ARHGAP10: variants seen among roughly 807,000 people sequenced by gnomAD.
ARHGAP10 encodes the protein Rho GTPase activating protein 10.
In ARHGAP10, 87 loss-of-function variants were observed where a neutral mutation model predicts 108.6. The ratio of observed to expected loss-of-function variants is 0.80; its 90% CI spans 0.67 to 0.96. ARHGAP10 has a LOEUF of 0.96. ARHGAP10 is among the 40% of genes least tolerant of loss of function. The pLI is 0.00. For missense variants in ARHGAP10, 939 were observed against 954.5 expected (o/e 0.98, Z 0.21); for synonymous variants, 347 against 341.1 (o/e 1.02, Z -0.19).
At chr4:147,835,008 A>T (rs560246641) in intron 3 of ARHGAP10, among the ~76,000 whole-genome samples, 1 of 152,282 alleles carries the variant, frequency 6.6e-6, no homozygotes, top group Non-Finnish European at 1.5e-5. Flanking sequence ...ATTGTCATTC[A>T]TCGGTTGCTA....
chr4:147,876,608 A>AG (rs1170575712), intron 8 of ARHGAP10, among the ~76,000 whole-genome samples: 1 of 151,644 alleles, frequency 6.6e-6, no homozygotes, highest in Admixed American at 6.6e-5. Flanking sequence ...AAGGAAAAAA[A>AG]CAAAACAAAA....
rs540107792 is a variant in ARHGAP10, at chr4:148,023,104, A to G, written c.1717-159A>G. ...TTGGAATCTTCTGTTAAAAAAATAA[A>G]AGGCTATGACCTCTTCCCTTCATTG... On this transcript the variant is annotated intron_variant, in intron 18 of 22. Transcript: ENST00000336498. 1.7e-5 allele frequency: 11 copies of G among 628,606 alleles called. No homozygotes were observed. In the Admixed American group the frequency reaches 3.3e-4, roughly 19 times the overall value. 38.9% of individuals were successfully genotyped at this position (628,606 alleles called of 1,614,324 possible).
chr4:147,933,385 T>G (rs993399143), intron 13 of ARHGAP10, among the ~76,000 whole-genome samples: 4 of 152,200 alleles, frequency 2.6e-5, no homozygotes, highest in Non-Finnish European at 5.9e-5. Context: ...CTCGCCACTG[T>G]GCCAGTCCCT....
chr4:147,859,404 C>T (rs1734224283), intron 5 of ARHGAP10, among the ~76,000 whole-genome samples: 1 of 151,652 alleles, frequency 6.6e-6, no homozygotes, highest in Non-Finnish European at 1.5e-5. Context: ...TCCTGTGTAG[C>T]TGGGATTACA....
At position 147,955,335 on chromosome 4, in the gene ARHGAP10, A is replaced by G; in HGVS notation, c.1411A>G (p.Met471Val). 6.2e-7 allele frequency: 1 copy of G among 1,611,794 alleles called. No individual in the cohort carries two copies. The highest frequency in any genetic ancestry group is 1.1e-5 in the South Asian group (1 of 90,932). ...QYLRSLPEPL[M>V]TYELHGDFIV... ...ACACAGGAGTCTTCCAGAGCCTCTC[A>G]TGACCTATGAGTTACATGGAGATTT... The change falls in exon 16 of 23, where the codon ATG becomes GTG. Residue 471 changes from methionine (M) to valine (V), a missense_variant. Coordinates refer to ENST00000336498, the MANE Select transcript of ARHGAP10 (RefSeq NM_024605.4).
At chr4:148,056,669 CA>C (rs1729376975) in intron 20 of ARHGAP10, among the ~76,000 whole-genome samples, 1 of 151,620 alleles carries the variant, frequency 6.6e-6, no homozygotes, top group African/African-American at 2.4e-5. Context: ...ATATGGACTT[CA>C]CCAGTCTTTC....
intron 18 of ARHGAP10, among the ~76,000 whole-genome samples, chr4:148,019,400 C>A (rs575853827): frequency 2.8e-4 from 43 of 152,268 alleles, no homozygotes; most frequent in South Asian, 2.7e-3. Flanking sequence ...CCCTGTAGTA[C>A]AGGCATTATG....
chr4:147,895,981 T>G (rs1396377219), intron 10 of ARHGAP10, among the ~76,000 whole-genome samples: 1 of 152,252 alleles, frequency 6.6e-6, no homozygotes, highest in Non-Finnish European at 1.5e-5. Flanking sequence ...TCTCTTGAAA[T>G]GATCATTAAA....
chr4:147,930,025 A>G (rs1253169639), intron 13 of ARHGAP10, among the ~76,000 whole-genome samples: 3 of 152,226 alleles, frequency 2.0e-5, no homozygotes, highest in Admixed American at 6.5e-5. Context: ...GAATGCCAGT[A>G]TGAACATTAA....
chr4:147,989,761 G>C (rs994447775), intron 18 of ARHGAP10, among the ~76,000 whole-genome samples: 2 of 152,110 alleles, frequency 1.3e-5, no homozygotes, highest in African/African-American at 4.8e-5. Flanking sequence ...AATTTGTGTA[G>C]TTAACGCAAT....
chr4:147,974,346 T>C (rs1739516828), intron 18 of ARHGAP10, among the ~76,000 whole-genome samples: 1 of 152,194 alleles, frequency 6.6e-6, no homozygotes, highest in Non-Finnish European at 1.5e-5. Context: ...ATAAAAACTT[T>C]TGTTTGTAAT....
chr4:147,842,330 G>A (rs981259563), intron 3 of ARHGAP10, among the ~76,000 whole-genome samples: 2 of 152,156 alleles, frequency 1.3e-5, no homozygotes, highest in Non-Finnish European at 2.9e-5. Context: ...AAAATATAAT[G>A]ACCTAAGATT....
At chr4:147,899,127 G>A (rs1201446478) in intron 10 of ARHGAP10, among the ~76,000 whole-genome samples, 1 of 152,204 alleles carries the variant, frequency 6.6e-6, no homozygotes, top group Non-Finnish European at 1.5e-5. Flanking sequence ...GAGCGCTTGA[G>A]GTCCCACGGA....
intron 9 of ARHGAP10, 80 bp from the exon 10 acceptor site, chr4:147,881,758 C>T (rs1283026225): frequency 1.6e-6 from 2 of 1,281,184 alleles, no homozygotes; most frequent in Non-Finnish European, 1.1e-6. Context: ...CCTTGCTCCC[C>T]TGCTCTCCAG....
chr4:147,964,404 T>C (rs943859222), intron 16 of ARHGAP10, among the ~76,000 whole-genome samples: 6 of 152,228 alleles, frequency 3.9e-5, no homozygotes, highest in Non-Finnish European at 5.9e-5. Context: ...TGATCGACGC[T>C]GGTGCTTCCC....
At chr4:147,995,732 T>A (rs749128703) in intron 18 of ARHGAP10, among the ~76,000 whole-genome samples, 1 of 152,148 alleles carries the variant, frequency 6.6e-6, no homozygotes, top group African/African-American at 2.4e-5. Flanking sequence ...CTCTTTTTTT[T>A]TCATGACGGA....
intron 1 of ARHGAP10, among the ~76,000 whole-genome samples, chr4:147,807,502 A>C (rs1391906231): frequency 6.6e-6 from 1 of 152,164 alleles, no homozygotes; most frequent in Non-Finnish European, 1.5e-5. Context: ...ATGGTCAGGA[A>C]CGTAAAGAGG....
At chr4:148,057,692 A>G (rs1449557886) in intron 20 of ARHGAP10, among the ~76,000 whole-genome samples, 1 of 152,126 alleles carries the variant, frequency 6.6e-6, no homozygotes, top group Non-Finnish European at 1.5e-5. Flanking sequence ...GGCTATCCCC[A>G]TGGTTATTAG....
At chr4:147,829,543 C>G (rs939783739) in intron 3 of ARHGAP10, among the ~76,000 whole-genome samples, 110 of 152,260 alleles carry the variant, frequency 7.2e-4, no homozygotes, top group African/African-American at 2.6e-3. Flanking sequence ...ACCCTTGACT[C>G]TGGAGGTGAA....
Sources: gnomAD v4.1 joint callset for allele counts (sites outside exome capture counted in the v4.1 genomes callset) on GRCh38, gnomAD v4.1.1 for gene constraint, MANE v1.5 for transcripts, NCBI Gene and HGNC (gene_info 2026-07-23, HGNC 2026-07-21) for gene names.